Variants in FGF12 observed in about 807,000 individuals in gnomAD.
FGF12 encodes the protein fibroblast growth factor 12, also known as fibroblast growth factor 12B.
Under a neutral mutation model 23.6 loss-of-function variants are expected in FGF12, and 14 were observed. The ratio of observed to expected loss-of-function variants is 0.59; its 90% confidence interval spans 0.39 to 0.93. The LOEUF (loss-of-function observed/expected upper bound fraction) is 0.93, where lower values mean the gene tolerates loss of function less well. FGF12 is among the 40% of genes least tolerant of loss of function. The probability of loss-of-function intolerance (pLI) is 0.00; values close to 1 mark genes in which losing one functional copy is unlikely to be tolerated. For missense variants in FGF12, 175 were observed against 217.8 expected (o/e 0.80, Z 1.24); for synonymous variants, 62 against 77.3 (o/e 0.80, Z 1.04).
intron 2 of FGF12, among the ~76,000 whole-genome samples, chr3:192,573,753 G>A (rs765260518): frequency 6.6e-5 from 10 of 152,084 alleles, no homozygotes; most frequent in Non-Finnish European, 1.5e-4. Context: ...AACCAAATTT[G>A]GGTATAAGAA....
chr3:192,719,349 T>C (rs889240843), intron 2 of FGF12, among the ~76,000 whole-genome samples: 1 of 152,226 alleles, frequency 6.6e-6, no homozygotes, highest in Non-Finnish European at 1.5e-5. Context: ...GTCTGTGCTA[T>C]TGCTTTAGTT....
At chr3:192,324,921 T>C (rs1716740694) in intron 4 of FGF12, among the ~76,000 whole-genome samples, 1 of 152,198 alleles carries the variant, frequency 6.6e-6, no homozygotes, top group South Asian at 2.1e-4. Context: ...ATATGCTAAT[T>C]TTCCAATTAA....
chr3:192,286,398 T>C (rs1228368370), intron 4 of FGF12, among the ~76,000 whole-genome samples: 2 of 152,036 alleles, frequency 1.3e-5, no homozygotes, highest in Non-Finnish European at 2.9e-5. Flanking sequence ...TGCTGAGTAC[T>C]GTGGTGTTAC....
intron 2 of FGF12, among the ~76,000 whole-genome samples, chr3:192,421,941 A>C (rs1721542837): frequency 6.6e-6 from 1 of 152,172 alleles, no homozygotes; most frequent in African/African-American, 2.4e-5. Flanking sequence ...GGTGAAGGAA[A>C]GAAATATGAA....
At chr3:192,402,906 G>A (rs989628548) in intron 2 of FGF12, among the ~76,000 whole-genome samples, 1 of 152,146 alleles carries the variant, frequency 6.6e-6, no homozygotes, top group African/African-American at 2.4e-5. Flanking sequence ...GAAAAGTTCT[G>A]TAATTCCATG....
chr3:192,206,532 A>G, intron 4 of FGF12, among the ~76,000 whole-genome samples: 1 of 152,236 alleles, frequency 6.6e-6, no homozygotes, highest in East Asian at 1.9e-4. Flanking sequence ...ATTACAAAAG[A>G]AATATTAATG....
chr3:192,670,687 A>C (rs1487074158), intron 2 of FGF12, among the ~76,000 whole-genome samples: 1 of 152,216 alleles, frequency 6.6e-6, no homozygotes, highest in East Asian at 1.9e-4. Flanking sequence ...ACTCACAAAC[A>C]GTTAAAGCAC....
At chr3:192,198,703 A>G (rs187336780) in intron 4 of FGF12, among the ~76,000 whole-genome samples, 11 of 152,340 alleles carry the variant, frequency 7.2e-5, no homozygotes, top group African/African-American at 2.6e-4. Context: ...GTAATTACCA[A>G]TATCATGACC....
chr3:192,675,354 T>A (rs1412069907), intron 2 of FGF12, among the ~76,000 whole-genome samples: 1 of 151,930 alleles, frequency 6.6e-6, no homozygotes, highest in East Asian at 1.9e-4. Flanking sequence ...AAACAAAATT[T>A]AAGATAATTT....
intron 2 of FGF12, among the ~76,000 whole-genome samples, chr3:192,690,809 G>C (rs375253056): frequency 2.0e-5 from 3 of 151,962 alleles, no homozygotes; most frequent in African/African-American, 7.2e-5. Flanking sequence ...GCTGACATGA[G>C]ACTCATTTCA....
At chr3:192,698,509 CAAT>C (rs1418379136) in intron 2 of FGF12, among the ~76,000 whole-genome samples, 8 of 151,870 alleles carry the variant, frequency 5.3e-5, no homozygotes, top group Admixed American at 2.6e-4. Flanking sequence ...TACACAACAA[CAAT>C]AATAAAAATA....
At chr3:192,707,677 T>C (rs1718515829) in intron 2 of FGF12, among the ~76,000 whole-genome samples, 2 of 138,362 alleles carry the variant, frequency 1.4e-5, no homozygotes, top group Non-Finnish European at 3.0e-5. Context: ...ACTTGGGAGG[T>C]GGAGATTGCA....
chr3:192,508,959 T>C (rs1464319807), intron 2 of FGF12, among the ~76,000 whole-genome samples: 1 of 152,202 alleles, frequency 6.6e-6, no homozygotes, highest in Non-Finnish European at 1.5e-5. Context: ...TTACTTCATT[T>C]TGGCACTTTG....
intron 2 of FGF12, among the ~76,000 whole-genome samples, chr3:192,551,544 C>T (rs148947872): frequency 2.0e-4 from 30 of 152,284 alleles, no homozygotes; most frequent in African/African-American, 6.3e-4. Flanking sequence ...CTAACGCAGC[C>T]AGAGTGAGAA....
At chr3:192,664,625 G>T (rs1257864835) in intron 2 of FGF12, among the ~76,000 whole-genome samples, 2 of 84,502 alleles carry the variant, frequency 2.4e-5, no homozygotes, top group East Asian at 3.3e-4. Context: ...AAAAAGCTGG[G>T]CATGGTGGCA....
chr3:192,403,912 T>C (rs1409972684), intron 2 of FGF12, among the ~76,000 whole-genome samples: 1 of 152,182 alleles, frequency 6.6e-6, no homozygotes, highest in Non-Finnish European at 1.5e-5. Context: ...CGAAACAATG[T>C]AAAAGAATAC....
chr3:192,167,753 ATATATATATATATATAAAATTTTTTTT>A (rs1465671739), intron 5 of FGF12, among the ~76,000 whole-genome samples: 2 of 27,560 alleles, frequency 7.3e-5, no homozygotes, highest in South Asian at 1.7e-3. Context: ...ATATATATAT[ATATATATATATATATAAAATTTTTTTT>A]TTTTTTTTTT....
intron 2 of FGF12, among the ~76,000 whole-genome samples, chr3:192,561,804 T>G (rs1302870350): frequency 1.3e-5 from 2 of 152,022 alleles, no homozygotes; most frequent in Non-Finnish European, 2.9e-5. Context: ...GTTTCCCAGT[T>G]CATTATAAAG....
intron 5 of FGF12, among the ~76,000 whole-genome samples, chr3:192,149,411 C>T (rs1713917835): frequency 1.4e-5 from 2 of 143,582 alleles, no homozygotes. Flanking sequence ...TGCACTGCAC[C>T]CACTAACTCG....
Sources: allele counts gnomAD v4.1 joint callset (sites outside exome capture counted in the v4.1 genomes callset), GRCh38; gene constraint gnomAD v4.1.1; transcripts MANE v1.5; gene names NCBI Gene and HGNC (gene_info 2026-07-23, HGNC 2026-07-21).